The following LYN variants were observed in gnomAD, a reference collection of about 807,000 sequenced individuals.
The protein encoded by LYN is tyrosine-protein kinase Lyn.
LYN carries 12 observed loss-of-function variants against 65.0 expected under a neutral mutation model. The observed-to-expected ratio is 0.18, with a 90% CI of 0.12 to 0.30. The LOEUF (loss-of-function observed/expected upper bound fraction) is 0.30, where lower values mean the gene tolerates loss of function less well. Among genes scored for constraint, LYN ranks in the 10% least tolerant of loss-of-function variants. The pLI is 1.00. For synonymous variants in LYN, 222 were observed against 221.2 expected (o/e 1.00, Z -0.03); for missense variants, 380 against 623.2 (o/e 0.61, Z 4.16).
chr8:55,997,820 C>T (rs1585678527), intron 10 of LYN, among the ~76,000 whole-genome samples: 1 of 152,218 alleles, frequency 6.6e-6, no homozygotes, highest in African/African-American at 2.4e-5. Context: ...CGCGGTGGCT[C>T]ACGCCTGTAA....
At position 55,945,784 on chromosome 8, in the gene LYN, T is replaced by A. The variant is rs1017764826; in HGVS notation, c.133-664T>A. 5.9e-5 allele frequency among the ~76,000 whole-genome samples: 9 copies of A among 152,250 alleles called. No homozygotes were observed. In the East Asian group the frequency reaches 1.7e-3, roughly 29 times the overall value. On this transcript the variant is annotated intron_variant, in intron 2 of 12. Coordinates refer to ENST00000519728, the MANE Select transcript of LYN (RefSeq NM_002350.4). ...ATCTGTCCCTGTGATGGAGTCAGGG[T>A]CAGCCCAAGAAAACCTGGATGGGAT... is the stretch of plus-strand genomic sequence containing the variant.
chr8:55,984,002 G>A (rs1201239298), intron 10 of LYN, among the ~76,000 whole-genome samples: 1 of 152,134 alleles, frequency 6.6e-6, no homozygotes, highest in Non-Finnish European at 1.5e-5. Context: ...ACCTCTTCCA[G>A]CTTCTGGCAG....
intron 1 of LYN, among the ~76,000 whole-genome samples, chr8:55,924,706 T>C (rs1361820305): frequency 3.9e-5 from 6 of 152,072 alleles, no homozygotes; most frequent in Non-Finnish European, 8.8e-5. Context: ...AGCCATGACC[T>C]TCCATTTCCT....
At chr8:55,984,244 G>T (rs932871815) in intron 10 of LYN, among the ~76,000 whole-genome samples, 1 of 152,084 alleles carries the variant, frequency 6.6e-6, no homozygotes, top group Non-Finnish European at 1.5e-5. Context: ...GTGAGTTTTG[G>T]GGGGACATTA....
chr8:55,889,984 G>T (rs1231340739), intron 1 of LYN, among the ~76,000 whole-genome samples: 2 of 151,936 alleles, frequency 1.3e-5, no homozygotes, highest in African/African-American at 4.8e-5. Flanking sequence ...GTTATCAAAA[G>T]CAAGTTGCTT....
At chr8:55,916,398 A>C (rs1805781069) in intron 1 of LYN, among the ~76,000 whole-genome samples, 1 of 152,174 alleles carries the variant, frequency 6.6e-6, no homozygotes, top group Non-Finnish European at 1.5e-5. Flanking sequence ...CTAAACCTTC[A>C]ATTTCTTCTG....
In LYN at chr8:55,914,737, A is replaced by G. The variant is rs559743728; in HGVS notation, c.-5-27118A>G. Among the ~76,000 whole-genome samples, 21 of 152,322 alleles carry G rather than the reference A, an allele frequency of 1.4e-4. 1 individual carries two copies. The South Asian group carries it at 2.3e-3, about 17-fold the overall frequency. On this transcript the variant is annotated intron_variant, in intron 1 of 12. Coordinates refer to ENST00000519728, the MANE Select transcript of LYN (RefSeq NM_002350.4). ...GACATGAGAAAACAGTTTCACTACAATATCCAGTAGATTTACCTAATTGGT... is the reference window on the plus strand; with the variant it reads ...GACATGAGAAAACAGTTTCACTACAGTATCCAGTAGATTTACCTAATTGGT...
In LYN at chr8:55,910,520, G is replaced by A. The variant is rs185468057; in HGVS notation, c.-6+30417G>A. On this transcript the variant is annotated intron_variant, in intron 1 of 12. Transcript: ENST00000519728. ...CATTGATCTGTGTATCTATTTTTAT[G>A]CCAGTACCATGCTGTTTTGGTGACT... 2.2e-4 allele frequency among the ~76,000 whole-genome samples: 33 copies of A among 152,166 alleles called. 1 individual carries two copies. In the East Asian group the frequency reaches 6.4e-3, roughly 29 times the overall value.
In LYN at chr8:55,967,379, A is replaced by G. The variant is rs948992370; in HGVS notation, c.973+482A>G. Among the ~76,000 whole-genome samples, 34 of 140,450 alleles carry G rather than the reference A, an allele frequency of 2.4e-4. 1 individual carries two copies. Among genetic ancestry groups the G allele is most frequent in the Admixed American group, 2.4e-3 (31 of 13,032 alleles). The allele number at this position is 140,450 out of a possible 152,430, so 92.1% of individuals were successfully genotyped here. On this transcript the variant is annotated intron_variant, in intron 9 of 12. Coordinates refer to ENST00000519728, the MANE Select transcript of LYN (RefSeq NM_002350.4). ...GCCCGGGCTGGAGTGCAGTGGTGCA[A>G]TCTCTGCTCACTGCAACCCCTGCCT...
At chr8:55,924,653 C>G (rs538924182) in intron 1 of LYN, among the ~76,000 whole-genome samples, 1 of 152,048 alleles carries the variant, frequency 6.6e-6, no homozygotes, top group Non-Finnish European at 1.5e-5. Context: ...CATGAGCCAC[C>G]GCGCCCAGCT....
intron 1 of LYN, among the ~76,000 whole-genome samples, chr8:55,935,779 C>CAA (rs59848254): frequency 0.014 from 1,357 of 93,824 alleles, 31 homozygotes; most frequent in African/African-American, 0.04. Context: ...AGACTCCATC[C>CAA]AAAAAAAAAA....
At chr8:56,001,312 GA>G (rs967519305) in intron 12 of LYN, among the ~76,000 whole-genome samples, 2 of 152,218 alleles carry the variant, frequency 1.3e-5, no homozygotes, top group African/African-American at 4.8e-5. Flanking sequence ...GGATGAGAAA[GA>G]AGGCTATGTA....
intron 10 of LYN, among the ~76,000 whole-genome samples, chr8:55,982,001 G>A (rs1342243070): frequency 6.6e-6 from 1 of 152,216 alleles, no homozygotes; most frequent in African/African-American, 2.4e-5. Context: ...TCCTCCCCCA[G>A]TGTCATGCAG....
Position 55,965,102 on chromosome 8 carries a change from T to G in LYN, c.791-1613T>G, listed in dbSNP as rs113126729. Among the ~76,000 whole-genome samples the G allele has an allele frequency of 7.5e-3, 1,149 of 152,240 alleles. 28 individuals carry two copies. The highest frequency in any genetic ancestry group is 0.026 in the African/African-American group (1,099 of 41,534). The stretch of plus-strand genomic sequence containing the variant: ...AGGACAGGAAGGAAGAGTATGATTA[T>G]TAATATTTCTGCTTTGCCAAATTAC... On this transcript the variant is annotated intron_variant, in intron 8 of 12. Coordinates refer to ENST00000519728, the MANE Select transcript of LYN (RefSeq NM_002350.4).
intron 12 of LYN, 22 bp downstream of exon 12, chr8:55,999,571 A>T: frequency 1.2e-6 from 2 of 1,611,188 alleles, no homozygotes; most frequent in Non-Finnish European, 1.7e-6. Context: ...TTAGCTATTT[A>T]CAATCAAGCT....
At chr8:55,981,765 A>G (rs1406510420) in intron 10 of LYN, among the ~76,000 whole-genome samples, 1 of 152,178 alleles carries the variant, frequency 6.6e-6, no homozygotes, top group Non-Finnish European at 1.5e-5. Context: ...TCCTGTACAA[A>G]ACTTACTTCA....
At chr8:55,975,490 A>G (rs895290817) in intron 10 of LYN, among the ~76,000 whole-genome samples, 1 of 152,222 alleles carries the variant, frequency 6.6e-6, no homozygotes, top group Non-Finnish European at 1.5e-5. Context: ...ATCGTCACCA[A>G]AAGTTGCAAC....
At chr8:56,005,767 C>T (rs1304249069) in intron 12 of LYN, among the ~76,000 whole-genome samples, 1 of 152,160 alleles carries the variant, frequency 6.6e-6, no homozygotes, top group Non-Finnish European at 1.5e-5. Flanking sequence ...GATTATATTT[C>T]TCTATCAATT....
chr8:55,924,560 C>T (rs923843928), intron 1 of LYN, among the ~76,000 whole-genome samples: 2 of 151,846 alleles, frequency 1.3e-5, no homozygotes, highest in African/African-American at 4.8e-5. Context: ...AACGGGGTTT[C>T]ACCATGTTGG....
Sources: gnomAD v4.1 joint callset for allele counts (sites outside exome capture counted in the v4.1 genomes callset) on GRCh38, gnomAD v4.1.1 for gene constraint, MANE v1.5 for transcripts, NCBI Gene and HGNC (gene_info 2026-07-23, HGNC 2026-07-21) for gene names.